KRAS: variants seen among roughly 807,000 people sequenced by gnomAD.
KRAS encodes KRas proto-oncogene, GTPase, also known as GTPase KRas.
In KRAS, 1 loss-of-function variant was observed where a neutral mutation model predicts 21.0. The ratio of observed to expected loss-of-function variants is 0.05; its 90% CI spans 0.02 to 0.23. The LOEUF is 0.23. KRAS is among the 10% of genes least tolerant of loss of function. The probability of loss-of-function intolerance (pLI) is 1.00; values close to 1 mark genes in which losing one functional copy is unlikely to be tolerated. For missense variants in KRAS, 107 were observed against 221.8 expected, an observed-to-expected ratio of 0.48 and a Z score of 3.29; for synonymous variants, 67 against 72.5, an observed-to-expected ratio of 0.92 and a Z score of 0.39.
chr12:25,248,394 G>A (rs1396384305), intron 1 of KRAS, among the ~76,000 whole-genome samples: 1 of 148,354 alleles, frequency 6.7e-6, no homozygotes, highest in Admixed American at 6.6e-5. Context: ...AGGTAGTAGC[G>A]GGCCGAGATC....
At chr12:25,247,095 A>AT (rs1279715836) in intron 1 of KRAS, among the ~76,000 whole-genome samples, 1 of 152,232 alleles carries the variant, frequency 6.6e-6, no homozygotes, top group Non-Finnish European at 1.5e-5. Flanking sequence ...TTTTGAAATA[A>AT]TATGAATGTT....
chr12:25,210,645 T>G (rs1485605568), intron 4 of KRAS: 1 of 152,168 alleles, frequency 6.6e-6, no homozygotes, highest in Non-Finnish European at 1.5e-5. Context: ...GTCTTATAGT[T>G]TACCAATTTG....
intron 2 of KRAS, among the ~76,000 whole-genome samples, chr12:25,233,655 T>C (rs1055743828): frequency 6.6e-6 from 1 of 152,256 alleles, no homozygotes; most frequent in African/African-American, 2.4e-5. Context: ...TTTGTAATTA[T>C]GTATTTACTT....
intron 4 of KRAS, chr12:25,215,671 TTA>T: frequency 2.3e-6 from 2 of 864,016 alleles, no homozygotes; most frequent in Non-Finnish European, 3.9e-6. Context: ...TTTTTTTTTT[TTA>T]AACAGACATC....
chr12:25,250,283 G>A (rs1483652093), intron 1 of KRAS, among the ~76,000 whole-genome samples: 3 of 152,138 alleles, frequency 2.0e-5, no homozygotes, highest in Non-Finnish European at 4.4e-5. Flanking sequence ...AAATGCAGCA[G>A]GGAAGGCTGG....
chr12:25,224,689 T>C (rs1045206587), intron 4 of KRAS, among the ~76,000 whole-genome samples: 26 of 152,162 alleles, frequency 1.7e-4, no homozygotes, highest in Non-Finnish European at 3.4e-4. Flanking sequence ...GTGTTAACAA[T>C]TGCCTTATAG....
intron 1 of KRAS, among the ~76,000 whole-genome samples, chr12:25,250,054 C>G (rs1298398791): frequency 6.6e-6 from 1 of 152,134 alleles, no homozygotes; most frequent in Non-Finnish European, 1.5e-5. Context: ...AGCAATGTCA[C>G]AGCCCATACA....
intron 2 of KRAS, among the ~76,000 whole-genome samples, chr12:25,232,391 A>G (rs1188870873): frequency 1.3e-5 from 2 of 152,192 alleles, no homozygotes; most frequent in Admixed American, 6.5e-5. Context: ...CTGTAAGTTA[A>G]TAACTCTTCA....
intron 2 of KRAS, chr12:25,235,279 T>C: frequency 2.0e-6 from 1 of 507,554 alleles, no homozygotes; most frequent in African/African-American, 1.9e-5. Context: ...GTACTTTACG[T>C]TACTCTTCCG....
At position 25,205,728 on chromosome 12, in the gene KRAS, C is replaced by CT; in HGVS notation, c.*4066dup. 4.5e-6 allele frequency: 1 copy of CT among 220,552 alleles called. No homozygotes were observed. Among genetic ancestry groups the CT allele is most frequent in the Non-Finnish European group, 9.1e-6 (1 of 110,342 alleles). 13.7% of individuals were successfully genotyped at this position (220,552 alleles called of 1,614,324 possible). On this transcript the variant is annotated 3_prime_UTR_variant, in exon 5 of 5. Coordinates refer to ENST00000311936, the MANE Select transcript of KRAS (RefSeq NM_004985.5). ...GGGCCCTCAACATATCTGCAGATAA[C>CT]TTTTTTTTCCCCTAAATTCATCTAA...
chr12:25,230,569 G>C (rs1350351895), intron 2 of KRAS, among the ~76,000 whole-genome samples: 30 of 152,080 alleles, frequency 2.0e-4, no homozygotes, highest in Admixed American at 2.0e-3. Context: ...TGGAGGTTAC[G>C]GTGAGCTGAG....
chr12:25,250,197 C>T (rs1207962070), intron 1 of KRAS, among the ~76,000 whole-genome samples: 2 of 152,230 alleles, frequency 1.3e-5, no homozygotes, highest in African/African-American at 2.4e-5. Context: ...CACACATCCC[C>T]TACACACGGA....
intron 2 of KRAS, among the ~76,000 whole-genome samples, chr12:25,244,286 G>A (rs2135804514): frequency 6.6e-6 from 1 of 152,142 alleles, no homozygotes; most frequent in East Asian, 1.9e-4. Flanking sequence ...AAATGCTAAA[G>A]TATTAGGACT....
intron 4 of KRAS, among the ~76,000 whole-genome samples, chr12:25,221,610 A>G (rs975906248): frequency 6.6e-6 from 1 of 152,182 alleles, no homozygotes; most frequent in Non-Finnish European, 1.5e-5. Context: ...AAAAAAATGC[A>G]ACAGATACCA....
intron 4 of KRAS, among the ~76,000 whole-genome samples, chr12:25,218,805 C>A (rs1168407023): frequency 6.6e-6 from 1 of 152,092 alleles, no homozygotes; most frequent in Non-Finnish European, 1.5e-5. Flanking sequence ...TAAAATATAG[C>A]TGAAACAGAT....
rs1478196366 is a variant in KRAS at position 25,206,367 on chromosome 12, C to CTAAG, written c.*3424_*3427dup. Reference sequence around the variant, plus strand: ...TATTCTTCCACAAACATGTTAATGCCTAAGTCTATGTAATTTAGCTTTTTT... The same window carrying CTAAG: ...TATTCTTCCACAAACATGTTAATGCCTAAGTAAGTCTATGTAATTTAGCTTTTTT... On this transcript the variant is annotated 3_prime_UTR_variant, in exon 5 of 5. Coordinates refer to ENST00000311936, the MANE Select transcript of KRAS (RefSeq NM_004985.5). 1 of 206,384 alleles carries CTAAG rather than the reference C, an allele frequency of 4.8e-6. No individual in the cohort carries two copies. Among genetic ancestry groups the CTAAG allele is most frequent in the African/African-American group, 2.3e-5 (1 of 43,928 alleles). 12.8% of individuals were successfully genotyped at this position (206,384 alleles called of 1,614,324 possible). A position where few individuals can be genotyped will look rare whatever the true frequency, so the allele number is the denominator to read the frequency against.
intron 2 of KRAS, chr12:25,234,265 G>GA (rs1465412806): frequency 5.7e-6 from 1 of 176,296 alleles, no homozygotes; most frequent in Non-Finnish European, 1.2e-5. Context: ...TGGGAGGGAA[G>GA]AAAATAAGAC....
At chr12:25,225,517 T>C in intron 4 of KRAS, 97 bp downstream of exon 4, 1 of 1,199,358 alleles carries the variant, frequency 8.3e-7, no homozygotes, top group Non-Finnish European at 1.2e-6. Flanking sequence ...TTTTATTTCC[T>C]AGTATAGCAT....
In KRAS at chr12:25,209,625, A is replaced by T; in HGVS notation, c.*170T>A. ...CTGGGAATACTGGCACTTAGAGGAA[A>T]AAAAAACTTCCACTGTCATTTTAAA... On this transcript the variant is annotated 3_prime_UTR_variant, in exon 5 of 5. Transcript: ENST00000311936. 3 of 1,357,400 alleles carry T rather than the reference A, an allele frequency of 2.2e-6. No homozygotes were observed. Among genetic ancestry groups the T allele is most frequent in the Non-Finnish European group, 2.8e-6 (3 of 1,055,688 alleles). 84.1% of individuals were successfully genotyped at this position (1,357,400 alleles called of 1,614,324 possible).
Sources: gnomAD v4.1 joint callset for allele counts (sites outside exome capture counted in the v4.1 genomes callset) on GRCh38, gnomAD v4.1.1 for gene constraint, MANE v1.5 for transcripts, NCBI Gene and HGNC (gene_info 2026-07-23, HGNC 2026-07-21) for gene names.